Variants in GOLGA3 observed in about 807,000 individuals in gnomAD.
The protein encoded by GOLGA3 is golgin A3.
Under a neutral mutation model 169.4 loss-of-function variants are expected in GOLGA3, and 75 were observed. The observed-to-expected ratio is 0.44, with a 90% CI of 0.37 to 0.54. The LOEUF (loss-of-function observed/expected upper bound fraction) is 0.54. Ranked by LOEUF, GOLGA3 falls within the 20% of genes least tolerant of loss-of-function variation. The probability of loss-of-function intolerance (pLI) is 0.00; values close to 1 mark genes in which losing one functional copy is unlikely to be tolerated. For missense variants in GOLGA3, 1,899 were observed against 1,930.0 expected (o/e 0.98, Z 0.30); for synonymous variants, 824 against 822.4 (o/e 1.00, Z -0.03).
intron 1 of GOLGA3, chr12:132,827,496 CA>C (rs769605393): frequency 6.6e-4 from 101 of 152,206 alleles, no homozygotes; most frequent in Non-Finnish European, 1.3e-3. Flanking sequence ...TTAAATATAA[CA>C]AGGCACAGAG....
rs1409954105 is a variant in GOLGA3, at chr12:132,802,847, G to C, written c.1598-878C>G. Reference sequence around the variant, plus strand: ...GAGGCGGGCGGATCACCTGAGGTTGGGAGTTCGAGACCAGCCTGGCCAACA... The same window carrying C: ...GAGGCGGGCGGATCACCTGAGGTTGCGAGTTCGAGACCAGCCTGGCCAACA... On this transcript the variant is annotated intron_variant, in intron 7 of 23. Transcript: ENST00000450791. Among the ~76,000 whole-genome samples the C allele has an allele frequency of 1.1e-4, 17 of 152,212 alleles. 1 individual carries two copies. The highest frequency in any genetic ancestry group is 1.1e-3 in the Admixed American group (17 of 15,296).
Position 132,810,123 on chromosome 12 carries a change from C to A in GOLGA3, c.520-1574G>T, listed in dbSNP as rs986402813. On this transcript the variant is annotated intron_variant, in intron 4 of 23. Coordinates refer to ENST00000450791, the MANE Select transcript of GOLGA3 (RefSeq NM_001389683.1). ...ATGAGCCAGGCATGGTGGCACACAC[C>A]TGTAATCTCAGCTACTTGGGAGGAT... Among the ~76,000 whole-genome samples the A allele has an allele frequency of 5.3e-5, 8 of 152,218 alleles. No homozygotes were observed. The East Asian group carries it at 1.4e-3, about 26-fold the overall frequency.
intron 2 of GOLGA3, 87 bp downstream of exon 2, chr12:132,821,909 T>C: frequency 1.3e-6 from 1 of 774,532 alleles, no homozygotes. Context: ...CACAGTGGTC[T>C]CAACGCCACA....
At position 132,782,297 on chromosome 12, in the gene GOLGA3, T is replaced by C; in HGVS notation, c.3464A>G (p.Gln1155Arg). 6.2e-7 allele frequency: 1 copy of C among 1,612,912 alleles called. No individual in the cohort carries two copies. The highest frequency in any genetic ancestry group is 8.5e-7 in the Non-Finnish European group (1 of 1,179,016). The part of the protein sequence containing the change: ...READLVQLNL[Q>R]VQAVLQRKEE... ...CGTGAGTTTGACGAGTTTGAATACC[T>C]GAAGGTTCAACTGGACTAGGTCTGC... Residue 1155 changes from glutamine to arginine, a missense_variant and splice_region_variant, in exon 17 of 24, where the codon CAG (glutamine) becomes CGG (arginine). By Grantham distance (43) the Gln-to-Arg change is conservative. Transcript: ENST00000450791.
intron 16 of GOLGA3, 86 bp from the exon 17 acceptor site, chr12:132,782,579 A>G: frequency 1.8e-6 from 2 of 1,093,128 alleles, no homozygotes; most frequent in Admixed American, 1.7e-5. Flanking sequence ...TTTCAACAAG[A>G]AACAGCGAAA....
intron 1 of GOLGA3, among the ~76,000 whole-genome samples, chr12:132,824,715 C>T (rs901449475): frequency 1.3e-5 from 2 of 152,208 alleles, no homozygotes; most frequent in Non-Finnish European, 2.9e-5. Flanking sequence ...CATCTCTCAT[C>T]CCTGGATTTT....
At chr12:132,783,009 A>G (rs1234981570) in intron 16 of GOLGA3, among the ~76,000 whole-genome samples, 3 of 152,200 alleles carry the variant, frequency 2.0e-5, no homozygotes, top group Non-Finnish European at 2.9e-5. Context: ...CAGCCTAGCC[A>G]ACATGATGAA....
chr12:132,794,079 G>A (rs528892623), intron 11 of GOLGA3, among the ~76,000 whole-genome samples: 8 of 152,284 alleles, frequency 5.3e-5, no homozygotes, highest in Admixed American at 2.0e-4. Context: ...CATCCGTTCC[G>A]ATGATCCTCA....
At position 132,777,634 on chromosome 12, in the gene GOLGA3, T is replaced by C. The variant is rs1371922806; in HGVS notation, c.3722+32A>G. 1.2e-6 allele frequency: 2 copies of C among 1,612,198 alleles called. No individual in the cohort carries two copies. The highest frequency in any genetic ancestry group is 1.3e-5 in the African/African-American group (1 of 74,904). On this transcript the variant is annotated intron_variant, in intron 19 of 23. Transcript: ENST00000450791. The surrounding 1 kb of genome is among the most constrained non-coding windows in gnomAD (Gnocchi z 4.7). ...ACCCCGCCCATTGCCAGGACAGCCA[T>C]GTTTGAGGGCTGGCGGGGCCCAGGC...
intron 1 of GOLGA3, chr12:132,826,087 C>T (rs1950402728): frequency 3.4e-6 from 5 of 1,459,762 alleles, no homozygotes; most frequent in East Asian, 4.5e-5. Context: ...TCACAGTGGG[C>T]GAGTGCCGGC....
rs568080853 is a variant in GOLGA3 at position 132,811,066 on chromosome 12, G to A, written c.519+2241C>T. On this transcript the variant is annotated intron_variant, in intron 4 of 23. Transcript: ENST00000450791. ...GGAGGGCCCCCTGTCCAGTGGGCACGTGACCCACGTGACCTTACTTATCAT... is the reference window on the plus strand; with the variant it reads ...GGAGGGCCCCCTGTCCAGTGGGCACATGACCCACGTGACCTTACTTATCAT... Among the ~76,000 whole-genome samples, 28 of 152,314 alleles carry A rather than the reference G, an allele frequency of 1.8e-4. No homozygotes were observed. In the East Asian group the frequency reaches 3.3e-3, roughly 18 times the overall value.
rs370345372 is a variant in GOLGA3 at position 132,774,141 on chromosome 12, C to G, written c.4307+16G>C. On this transcript the variant is annotated intron_variant, in intron 23 of 23. Transcript: ENST00000450791. ...CTTTAAGACTAGCTGAAGTGCAGCACGGAATACGGTCGTACTTGAGCTGCT... is the reference window on the plus strand; with the variant it reads ...CTTTAAGACTAGCTGAAGTGCAGCAGGGAATACGGTCGTACTTGAGCTGCT... 5.2e-5 allele frequency: 81 copies of G among 1,560,748 alleles called. No individual in the cohort carries two copies. The highest frequency in any genetic ancestry group is 7.6e-5 in the Admixed American group (4 of 52,482).
chr12:132,797,843 G>A (rs906200177), intron 9 of GOLGA3, among the ~76,000 whole-genome samples: 1 of 152,246 alleles, frequency 6.6e-6, no homozygotes, highest in South Asian at 2.1e-4. Flanking sequence ...CCATGACCTC[G>A]ACAGCGTGTG....
At chr12:132,774,532 A>C in intron 22 of GOLGA3, 1 of 600,198 alleles carries the variant, frequency 1.7e-6, no homozygotes, top group Non-Finnish European at 2.9e-6. Flanking sequence ...AAGGCACAAA[A>C]CCAGAGCAAA....
At chr12:132,774,498 G>A (rs1452502378) in intron 22 of GOLGA3, 178 bp from the exon 23 acceptor site, 1 of 643,900 alleles carries the variant, frequency 1.6e-6, no homozygotes, top group Non-Finnish European at 2.7e-6. Context: ...CAGAATAGCT[G>A]GCTGAGGAAA....
In GOLGA3 at chr12:132,802,034, G is replaced by A. The variant is rs1297813332; in HGVS notation, c.1598-65C>T. ...CCAACGGGGGAGTCCGCAGCTCCGC[G>A]CGTGCGGGACACAAGGCGGGACTCT... On this transcript the variant is annotated intron_variant, in intron 7 of 23. Coordinates refer to ENST00000450791, the MANE Select transcript of GOLGA3 (RefSeq NM_001389683.1). The A allele has an allele frequency of 2.3e-5, 30 of 1,285,678 alleles. No individual in the cohort carries two copies. In the East Asian group the frequency reaches 2.7e-4, roughly 11 times the overall value. The allele number at this position is 1,285,678 out of a possible 1,614,324, so 79.6% of individuals were successfully genotyped here. A position where few individuals can be genotyped will look rare whatever the true frequency, so the allele number is the denominator to read the frequency against.
At chr12:132,825,812 A>G (rs1473742621) in intron 1 of GOLGA3, 2 of 1,145,396 alleles carry the variant, frequency 1.7e-6, no homozygotes, top group Non-Finnish European at 2.7e-6. Context: ...GCGGTACTAC[A>G]AGAACATTGG....
At chr12:132,800,679 G>A (rs1027733798) in intron 8 of GOLGA3, among the ~76,000 whole-genome samples, 11 of 151,846 alleles carry the variant, frequency 7.2e-5, no homozygotes, top group African/African-American at 2.7e-4. Context: ...AAAAATAACA[G>A]GCCAGGTGCG....
At chr12:132,796,257 CCCT>C (rs1290200344) in intron 10 of GOLGA3, 37 bp from the exon 11 acceptor site, 4 of 1,551,674 alleles carry the variant, frequency 2.6e-6, no homozygotes, top group Non-Finnish European at 3.5e-6. Flanking sequence ...CTGCGCCTGA[CCCT>C]CCTCCGAGAG....
Sources: gnomAD v4.1 joint callset for allele counts (sites outside exome capture counted in the v4.1 genomes callset) on GRCh38, gnomAD v4.1.1 for gene constraint, Gnocchi (gnomAD v3.1) non-coding constraint, MANE v1.5 for transcripts, NCBI Gene and HGNC (gene_info 2026-07-23, HGNC 2026-07-21) for gene names.